Variants in PSD3 observed in about 807,000 individuals in gnomAD.
The protein encoded by PSD3 is pleckstrin and Sec7 domain containing 3.
PSD3 carries 49 observed loss-of-function variants against 105.5 expected under a neutral mutation model. That is an observed-to-expected ratio of 0.46 (90% CI 0.37 to 0.59). The LOEUF is 0.59. Ranked by LOEUF, PSD3 falls within the 20% of genes least tolerant of loss-of-function variation. The pLI, the probability that PSD3 is intolerant of heterozygous loss-of-function variation, is 0.00. For synonymous variants in PSD3, 557 were observed against 457.8 expected (o/e 1.22, Z -2.77); for missense variants, 1,561 against 1,263.8 (o/e 1.24, Z -3.57).
chr8:18,557,813 T>C lies in PSD3; in HGVS notation c.2785-1461A>G, dbSNP rs568912381. 2.0e-4 allele frequency among the ~76,000 whole-genome samples: 31 copies of C among 152,340 alleles called. 1 individual carries two copies. The South Asian group carries it at 6.4e-3, about 32-fold the overall frequency. Reference sequence around the variant, plus strand: ...CAAAAATGCTTCAGGTAGCTTTTATTTACAAGTTCTTACTCATCTATTACT... The same window carrying C: ...CAAAAATGCTTCAGGTAGCTTTTATCTACAAGTTCTTACTCATCTATTACT... On this transcript the variant is annotated intron_variant, in intron 14 of 15. Coordinates refer to ENST00000327040, the MANE Select transcript of PSD3 (RefSeq NM_015310.4).
intron 2 of PSD3, among the ~76,000 whole-genome samples, chr8:18,879,198 T>C (rs1206273713): frequency 6.6e-6 from 1 of 152,094 alleles, no homozygotes; most frequent in African/African-American, 2.4e-5. Context: ...CATTGAAATG[T>C]CCCTCAGAAA....
At chr8:18,559,650 A>T (rs1194662713) in intron 14 of PSD3, among the ~76,000 whole-genome samples, 1 of 151,788 alleles carries the variant, frequency 6.6e-6, no homozygotes. Context: ...TTTACTTTGG[A>T]TCTATGCAAA....
intron 10 of PSD3, among the ~76,000 whole-genome samples, chr8:18,644,968 C>T (rs978345667): frequency 6.6e-6 from 1 of 152,226 alleles, no homozygotes; most frequent in South Asian, 2.1e-4. Context: ...CCCACCTGCT[C>T]TCTTGTGCTT....
At chr8:18,590,539 G>C (rs1026640353) in intron 12 of PSD3, among the ~76,000 whole-genome samples, 1 of 152,012 alleles carries the variant, frequency 6.6e-6, no homozygotes, top group African/African-American at 2.4e-5. Flanking sequence ...AATGACATTA[G>C]GTATAATCTT....
At chr8:18,600,583 GT>G in intron 11 of PSD3, 149 bp from the exon 12 acceptor site, 1 of 648,958 alleles carries the variant, frequency 1.5e-6, no homozygotes, top group Non-Finnish European at 2.6e-6. Context: ...GAGCCTTATG[GT>G]GTACCAGGCG....
At chr8:18,708,856 T>C (rs1802061278) in intron 9 of PSD3, among the ~76,000 whole-genome samples, 1 of 151,826 alleles carries the variant, frequency 6.6e-6, no homozygotes, top group South Asian at 2.1e-4. Context: ...GGTAGAACAA[T>C]GGCCAACCTG....
intron 4 of PSD3, among the ~76,000 whole-genome samples, chr8:18,809,659 GT>G (rs1404837107): frequency 2.6e-5 from 4 of 152,014 alleles, no homozygotes; most frequent in Non-Finnish European, 4.4e-5. Flanking sequence ...TTCCTGAAAT[GT>G]TTTTTTCTAA....
At chr8:18,620,461 G>T (rs1460429782) in intron 11 of PSD3, among the ~76,000 whole-genome samples, 1 of 151,452 alleles carries the variant, frequency 6.6e-6, no homozygotes, top group African/African-American at 2.4e-5. Context: ...TGTAATCCCA[G>T]CACTTTGGGA....
intron 4 of PSD3, among the ~76,000 whole-genome samples, chr8:18,857,256 G>A (rs17127341): frequency 0.11 from 17,030 of 152,166 alleles, 1,207 homozygotes; most frequent in Admixed American, 0.22. Flanking sequence ...TGCAGTAAAC[G>A]CCTCTCAAAA....
intron 1 of PSD3, among the ~76,000 whole-genome samples, chr8:18,970,781 C>G (rs991870676): frequency 6.6e-6 from 1 of 151,876 alleles, no homozygotes; most frequent in Non-Finnish European, 1.5e-5. Flanking sequence ...ATGGTGAAAC[C>G]CTGTCTCTAC....
At chr8:18,899,050 A>T (rs1463652750) in intron 2 of PSD3, among the ~76,000 whole-genome samples, 1 of 152,206 alleles carries the variant, frequency 6.6e-6, no homozygotes, top group Non-Finnish European at 1.5e-5. Context: ...AACATCATAA[A>T]AGAAGTCAAA....
intron 2 of PSD3, among the ~76,000 whole-genome samples, chr8:18,909,467 C>A (rs13265758): frequency 0.11 from 17,209 of 151,862 alleles, 991 homozygotes; most frequent in Admixed American, 0.15. Context: ...TTTTCTTCTT[C>A]TTATTATTAT....
chr8:18,648,386 C>T (rs955447719), intron 10 of PSD3, among the ~76,000 whole-genome samples: 1 of 152,160 alleles, frequency 6.6e-6, no homozygotes, highest in African/African-American at 2.4e-5. Flanking sequence ...AAGCAAAGAA[C>T]TTGGAGGCAC....
In PSD3 at chr8:18,761,932, A is replaced by G. The variant is rs200566469; in HGVS notation, c.2172+3517T>C. ...CAGATGATCTGGCCTATTTTGTTAT[A>G]TGAATGACTGTCTTGATTTGGTCAT... On this transcript the variant is annotated intron_variant, in intron 9 of 15. Coordinates refer to ENST00000327040, the MANE Select transcript of PSD3 (RefSeq NM_015310.4). Among the ~76,000 whole-genome samples the G allele has an allele frequency of 7.2e-5, 11 of 152,326 alleles. No homozygotes were observed. In the East Asian group the frequency reaches 2.1e-3, roughly 29 times the overall value.
chr8:18,804,497 G>A (rs973141050), intron 6 of PSD3, 25 bp downstream of exon 6: 12 of 1,543,158 alleles, frequency 7.8e-6, no homozygotes, highest in South Asian at 2.3e-5. Context: ...AAGCAATGAC[G>A]AGCAGCAAGG....
intron 4 of PSD3, chr8:18,808,656 T>C: frequency 6.7e-7 from 1 of 1,502,138 alleles, no homozygotes; most frequent in Non-Finnish European, 9.2e-7. Flanking sequence ...GATGGCTTCA[T>C]TCTGTCCATT....
At chr8:18,686,923 G>C (rs555000415) in intron 9 of PSD3, among the ~76,000 whole-genome samples, 1 of 152,088 alleles carries the variant, frequency 6.6e-6, no homozygotes, top group East Asian at 1.9e-4. Context: ...TTTTCCAAAA[G>C]GACCTTCTGT....
intron 9 of PSD3, among the ~76,000 whole-genome samples, chr8:18,695,505 C>T (rs555214415): frequency 6.6e-6 from 1 of 152,136 alleles, no homozygotes. Context: ...TGATCTATTC[C>T]CCCTTAAGGG....
intron 9 of PSD3, among the ~76,000 whole-genome samples, chr8:18,749,363 G>T (rs146456870): frequency 9.4e-4 from 143 of 152,216 alleles, no homozygotes; most frequent in African/African-American, 3.3e-3. Context: ...ATCTCAAAGG[G>T]GCTTTTCCAG....
Sources: gnomAD v4.1 joint callset for allele counts (sites outside exome capture counted in the v4.1 genomes callset) on GRCh38, gnomAD v4.1.1 for gene constraint, MANE v1.5 for transcripts, NCBI Gene and HGNC (gene_info 2026-07-23, HGNC 2026-07-21) for gene names.